TSPEAR: variants seen among roughly 807,000 people sequenced by gnomAD.
TSPEAR encodes the protein thrombospondin-type laminin G domain and EAR repeat-containing protein.
Under a neutral mutation model 71.6 loss-of-function variants are expected in TSPEAR, and 69 were observed. The ratio of observed to expected loss-of-function variants is 0.96; its 90% confidence interval spans 0.79 to 1.18. The LOEUF (loss-of-function observed/expected upper bound fraction) is 1.18, where lower values mean the gene tolerates loss of function less well. Among genes scored for constraint, TSPEAR ranks in the 50% most tolerant of loss-of-function variants. The probability of loss-of-function intolerance (pLI) is 0.00; values close to 1 mark genes in which losing one functional copy is unlikely to be tolerated. For missense variants in TSPEAR, 971 were observed against 894.9 expected, an observed-to-expected ratio of 1.09 and a Z score of -1.09; for synonymous variants, 402 against 387.2, an observed-to-expected ratio of 1.04 and a Z score of -0.45.
chr21:44,662,046 G>A (rs1985525420), intron 1 of TSPEAR, among the ~76,000 whole-genome samples: 1 of 152,122 alleles, frequency 6.6e-6, no homozygotes, highest in Non-Finnish European at 1.5e-5. Flanking sequence ...AAGTGGCATA[G>A]AAAGAGGGCA....
intron 1 of TSPEAR, among the ~76,000 whole-genome samples, chr21:44,632,137 T>C (rs1555935835): frequency 6.6e-6 from 1 of 152,208 alleles, no homozygotes; most frequent in Non-Finnish European, 1.5e-5. Context: ...TTCCCAAATA[T>C]GATGAAACAC....
chr21:44,557,069 A>G (rs1016305830), intron 2 of TSPEAR, among the ~76,000 whole-genome samples: 1 of 152,196 alleles, frequency 6.6e-6, no homozygotes, highest in Non-Finnish European at 1.5e-5. Flanking sequence ...TACCATAATT[A>G]TGAAACAGCA....
intron 1 of TSPEAR, among the ~76,000 whole-genome samples, chr21:44,663,117 A>C (rs1985584406): frequency 6.6e-6 from 1 of 151,984 alleles, no homozygotes; most frequent in Non-Finnish European, 1.5e-5. Context: ...TCTGAAAAAA[A>C]AAATGAAGTA....
chr21:44,666,866 G>T lies in TSPEAR; in HGVS notation c.82+44567C>A, dbSNP rs199664418. ...CGCAGCAGGCTGGCTGGCAGCCCGAGGAGCAGCTGGTATGACACATGGTGG... is the reference window on the plus strand; with the variant it reads ...CGCAGCAGGCTGGCTGGCAGCCCGATGAGCAGCTGGTATGACACATGGTGG... On this transcript the variant is annotated intron_variant, in intron 1 of 11. Transcript: ENST00000323084. 5.4e-5 allele frequency: 87 copies of T among 1,613,706 alleles called. No homozygotes were observed. The East Asian group carries it at 1.2e-3, about 21-fold the overall frequency.
rs1473497062 is a variant in TSPEAR, at chr21:44,531,146, A to G, written c.543-13T>C. ...CACATCGGCCATTCTGAAAATATCA[A>G]AGGACTGTGTTAGGGCCATAGGAGA... On this transcript the variant is annotated splice_polypyrimidine_tract_variant and intron_variant, in intron 3 of 11. Coordinates refer to ENST00000323084, the MANE Select transcript of TSPEAR (RefSeq NM_144991.3). The G allele has an allele frequency of 1.9e-6, 3 of 1,611,270 alleles. No homozygotes were observed. The highest frequency in any genetic ancestry group is 1.3e-5 in the African/African-American group (1 of 74,884).
At chr21:44,564,671 G>A (rs1288651824) in intron 2 of TSPEAR, among the ~76,000 whole-genome samples, 1 of 152,018 alleles carries the variant, frequency 6.6e-6, no homozygotes, top group African/African-American at 2.4e-5. Context: ...AAATAGACAA[G>A]TCAACAATAT....
At chr21:44,602,134 G>A (rs377143164) in intron 1 of TSPEAR, 47 of 326,556 alleles carry the variant, frequency 1.4e-4, no homozygotes, top group East Asian at 1.4e-3. Flanking sequence ...GACCACGGGA[G>A]CAGGTCAGAC....
At chr21:44,697,276 C>T in intron 1 of TSPEAR, 1 of 1,614,056 alleles carries the variant, frequency 6.2e-7, no homozygotes, top group Non-Finnish European at 8.5e-7. Context: ...CTTGCTCCGA[C>T]TCCTGGCAGG....
intron 8 of TSPEAR, 108 bp downstream of exon 8, chr21:44,525,545 T>C (rs2052837311): frequency 8.5e-7 from 1 of 1,175,652 alleles, no homozygotes; most frequent in Non-Finnish European, 1.2e-6. Flanking sequence ...CACCCTGTGC[T>C]GCATGTGGCT....
chr21:44,650,704 C>A (rs1411767323), intron 1 of TSPEAR, among the ~76,000 whole-genome samples: 3 of 152,180 alleles, frequency 2.0e-5, no homozygotes, highest in Non-Finnish European at 2.9e-5. Context: ...GTCACAGCAG[C>A]CCCCGGATGT....
chr21:44,512,183 T>C (rs1404428486), intron 9 of TSPEAR, among the ~76,000 whole-genome samples: 2 of 152,158 alleles, frequency 1.3e-5, no homozygotes, highest in African/African-American at 4.8e-5. Flanking sequence ...CTACAGGGCC[T>C]GGGTGCTGTG....
At chr21:44,548,584 A>G (rs1351594541) in intron 2 of TSPEAR, among the ~76,000 whole-genome samples, 6 of 152,340 alleles carry the variant, frequency 3.9e-5, no homozygotes, top group Admixed American at 2.0e-4. Flanking sequence ...AGATGGAGCC[A>G]GTTTCAAACA....
At position 44,531,003 on chromosome 21, in the gene TSPEAR, C is replaced by T. The variant is rs782730010; in HGVS notation, c.633+40G>A. On this transcript the variant is annotated intron_variant, in intron 4 of 11. Coordinates refer to ENST00000323084, the MANE Select transcript of TSPEAR (RefSeq NM_144991.3). ...CAACTGGCCTGGGGCAGTCCCATCC[C>T]GCAGCACGGGTGTTGGGAAGGCAGC... 83 of 1,541,936 alleles carry T rather than the reference C, an allele frequency of 5.4e-5. No individual in the cohort carries two copies. In the Middle Eastern group the frequency reaches 8.6e-4, roughly 16 times the overall value.
chr21:44,530,693 G>A (rs1309677253), intron 4 of TSPEAR, among the ~76,000 whole-genome samples: 1 of 152,256 alleles, frequency 6.6e-6, no homozygotes, highest in Non-Finnish European at 1.5e-5. Context: ...TCACACGTGA[G>A]TGGAGACACA....
rs143884568 is a variant in TSPEAR at position 44,549,255 on chromosome 21, G to T, written c.304-15332C>A. ...GTGCTGTGGCATGCCTGGGCGTGTAGGAAAAGCAGAAGGAAAGAAGAAGAA... is the reference window on the plus strand; with the variant it reads ...GTGCTGTGGCATGCCTGGGCGTGTATGAAAAGCAGAAGGAAAGAAGAAGAA... On this transcript the variant is annotated intron_variant, in intron 2 of 11. Coordinates refer to ENST00000323084, the MANE Select transcript of TSPEAR (RefSeq NM_144991.3). Among the ~76,000 whole-genome samples, 60 of 152,174 alleles carry T rather than the reference G, an allele frequency of 3.9e-4. 1 individual carries two copies. In the South Asian group the frequency reaches 5.2e-3, roughly 13 times the overall value.
At position 44,677,915 on chromosome 21, in the gene TSPEAR, A is replaced by G. The variant is rs587615690; in HGVS notation, c.82+33518T>C. On this transcript the variant is annotated intron_variant, in intron 1 of 11. Coordinates refer to ENST00000323084, the MANE Select transcript of TSPEAR (RefSeq NM_144991.3). The stretch of plus-strand genomic sequence containing the variant: ...TGGCATATAGGATAGTGCCACCAAT[A>G]CCTCCACCAAAAAACAAAAGGCCAG... The G allele has an allele frequency of 3.6e-6, 5 of 1,397,484 alleles. No homozygotes were observed. In the South Asian group the frequency reaches 6.1e-5, roughly 17 times the overall value. 86.6% of individuals were successfully genotyped at this position (1,397,484 alleles called of 1,614,324 possible).
intron 2 of TSPEAR, among the ~76,000 whole-genome samples, chr21:44,544,922 T>C (rs1402826207): frequency 1.3e-5 from 2 of 151,196 alleles, no homozygotes; most frequent in African/African-American, 4.9e-5. Context: ...TAATATCAGA[T>C]CACCAAAGTA....
chr21:44,697,187 A>ACGGCTG (rs1262724418), intron 1 of TSPEAR: 1 of 1,610,354 alleles, frequency 6.2e-7, no homozygotes, highest in Non-Finnish European at 8.5e-7. Flanking sequence ...AACCCCCAGC[A>ACGGCTG]CGGCTGCATC....
At chr21:44,565,954 G>A (rs139999448) in intron 2 of TSPEAR, among the ~76,000 whole-genome samples, 131 of 152,346 alleles carry the variant, frequency 8.6e-4, no homozygotes, top group Non-Finnish European at 1.4e-3. Context: ...GCTCATGTCT[G>A]TGATCTCAGC....
Sources: gnomAD v4.1 joint callset for allele counts (sites outside exome capture counted in the v4.1 genomes callset) on GRCh38, gnomAD v4.1.1 for gene constraint, MANE v1.5 for transcripts, NCBI Gene and HGNC (gene_info 2026-07-23, HGNC 2026-07-21) for gene names.